The following ATP13A5 variants were observed in gnomAD, a reference collection of about 807,000 sequenced individuals.
The protein encoded by ATP13A5 is ATPase 13A5.
In ATP13A5, 149 loss-of-function variants were observed where a neutral mutation model predicts 150.2. That is an observed-to-expected ratio of 0.99 (90% CI 0.87 to 1.14). The LOEUF (loss-of-function observed/expected upper bound fraction) is 1.14. ATP13A5 is among the 50% of genes most tolerant of loss of function. The probability of loss-of-function intolerance (pLI) is 0.00; values close to 1 mark genes in which losing one functional copy is unlikely to be tolerated. For missense variants in ATP13A5, 1,383 were observed against 1,449.3 expected, an observed-to-expected ratio of 0.95 and a Z score of 0.74; for synonymous variants, 497 against 522.2, an observed-to-expected ratio of 0.95 and a Z score of 0.66.
intron 28 of ATP13A5, among the ~76,000 whole-genome samples, chr3:193,277,479 A>G (rs1052616555): frequency 6.6e-6 from 1 of 152,174 alleles, no homozygotes; most frequent in African/African-American, 2.4e-5. Flanking sequence ...GACCCCACCC[A>G]AGAGTGGAAT....
At chr3:193,307,530 T>A in intron 21 of ATP13A5, 161 bp from the exon 22 acceptor site, 2 of 791,358 alleles carry the variant, frequency 2.5e-6, no homozygotes, top group Non-Finnish European at 2.1e-6. Context: ...AGAGACATAT[T>A]CCCAGAGGGA....
intron 10 of ATP13A5, among the ~76,000 whole-genome samples, chr3:193,334,317 T>C (rs905316724): frequency 6.6e-6 from 1 of 152,120 alleles, no homozygotes; most frequent in African/African-American, 2.4e-5. Context: ...AGGCCTTCAT[T>C]GTGTCACGTC....
At chr3:193,363,124 T>C in intron 3 of ATP13A5, 112 bp downstream of exon 3, 2 of 1,286,400 alleles carry the variant, frequency 1.6e-6, no homozygotes, top group Admixed American at 2.2e-5. Flanking sequence ...CTTTGATACA[T>C]AGCTGTCATT....
chr3:193,338,231 T>A (rs1376671123), intron 9 of ATP13A5, among the ~76,000 whole-genome samples: 1 of 152,180 alleles, frequency 6.6e-6, no homozygotes, highest in Non-Finnish European at 1.5e-5. Context: ...TATTTCTTTC[T>A]CCTGCCTGAT....
chr3:193,324,931 A>G lies in ATP13A5; in HGVS notation c.1607T>C (p.Leu536Pro). The G allele has an allele frequency of 6.2e-7, 1 of 1,614,178 alleles. No individual in the cohort carries two copies. Among genetic ancestry groups the G allele is most frequent in the East Asian group, 2.2e-5 (1 of 44,878 alleles). Residue 536 changes from leucine to proline, a missense_variant, in exon 14 of 30, where the codon CTG becomes CCG. Physicochemically the swap from Leu to Pro is moderately conservative, Grantham distance 98. Around this residue, in one of 3 missense-constraint regions of ATP13A5, gnomAD observed 787 missense variants for 771.9 expected, o/e 1.02. Transcript: ENST00000342358. ...LCAAMASCHS[L>P]ILLNGTIQGD... ...CTGGATGGTCCCATTGAGAAGGATCAGAGAGTGGCAGCTGGCCATGGCCGC... is the reference window on the plus strand; with the variant it reads ...CTGGATGGTCCCATTGAGAAGGATCGGAGAGTGGCAGCTGGCCATGGCCGC...
chr3:193,307,531 C>A, intron 21 of ATP13A5, 162 bp from the exon 22 acceptor site: 3 of 788,052 alleles, frequency 3.8e-6, no homozygotes, highest in East Asian at 2.7e-5. Flanking sequence ...GAGACATATT[C>A]CCAGAGGGAA....
intron 9 of ATP13A5, among the ~76,000 whole-genome samples, chr3:193,338,247 T>G (rs1279111388): frequency 6.6e-6 from 1 of 152,198 alleles, no homozygotes; most frequent in Non-Finnish European, 1.5e-5. Context: ...CTGATTGCCC[T>G]GGCCAGAACT....
chr3:193,373,976 C>G (rs1713542710), intron 1 of ATP13A5, among the ~76,000 whole-genome samples: 1 of 152,170 alleles, frequency 6.6e-6, no homozygotes, highest in South Asian at 2.1e-4. Context: ...AGAAGGGGAA[C>G]ACAGATGGAA....
chr3:193,276,001 G>T (rs1213079964), intron 29 of ATP13A5, among the ~76,000 whole-genome samples: 1 of 152,116 alleles, frequency 6.6e-6, no homozygotes, highest in Admixed American at 6.5e-5. Context: ...CACTTAAGTT[G>T]AATGTAATAT....
At position 193,333,997 on chromosome 3, in the gene ATP13A5, A is replaced by G. The variant is rs1711748428; in HGVS notation, c.1115-90T>C. On this transcript the variant is annotated intron_variant, in intron 10 of 29. Coordinates refer to ENST00000342358, the MANE Select transcript of ATP13A5 (RefSeq NM_198505.4). The stretch of plus-strand genomic sequence containing the variant: ...CTTTACTGTCTTTGAGGAAAAGAGT[A>G]GAGTGTCCTCTAACCTTCTACCTAA... 34 of 1,219,158 alleles carry G rather than the reference A, an allele frequency of 2.8e-5. No homozygotes were observed. In the South Asian group the frequency reaches 3.5e-4, roughly 13 times the overall value. 75.5% of individuals were successfully genotyped at this position (1,219,158 alleles called of 1,614,324 possible).
intron 2 of ATP13A5, among the ~76,000 whole-genome samples, chr3:193,363,835 T>C (rs1262172266): frequency 6.6e-6 from 1 of 152,174 alleles, no homozygotes; most frequent in East Asian, 1.9e-4. Context: ...GCTCATGTAA[T>C]GGCTAAGAGC....
At chr3:193,289,395 C>T (rs1717855373) in intron 26 of ATP13A5, among the ~76,000 whole-genome samples, 1 of 152,234 alleles carries the variant, frequency 6.6e-6, no homozygotes, top group East Asian at 1.9e-4. Context: ...ATGTCTATAT[C>T]AGTGGCCTGC....
intron 26 of ATP13A5, among the ~76,000 whole-genome samples, chr3:193,288,545 A>G (rs1239217724): frequency 6.6e-6 from 1 of 151,466 alleles, no homozygotes; most frequent in African/African-American, 2.4e-5. Flanking sequence ...TAAGGCATGT[A>G]CTTTTTTAGA....
At chr3:193,319,855 C>T (rs563655009) in intron 16 of ATP13A5, among the ~76,000 whole-genome samples, 1 of 152,298 alleles carries the variant, frequency 6.6e-6, no homozygotes, top group African/African-American at 2.4e-5. Flanking sequence ...CACAGCCATG[C>T]CCATTTGATT....
chr3:193,323,607 C>T (rs531824105), intron 14 of ATP13A5: 3 of 152,120 alleles, frequency 2.0e-5, no homozygotes, highest in African/African-American at 7.2e-5. Flanking sequence ...AACTCATCAC[C>T]GTGTTTATCC....
chr3:193,355,434 C>G (rs1210858739), intron 5 of ATP13A5, among the ~76,000 whole-genome samples: 1 of 152,120 alleles, frequency 6.6e-6, no homozygotes, highest in South Asian at 2.1e-4. Context: ...GTAGCATTGT[C>G]TATGACTCCA....
intron 21 of ATP13A5, among the ~76,000 whole-genome samples, chr3:193,309,065 C>T (rs557800163): frequency 6.6e-6 from 1 of 152,240 alleles, no homozygotes; most frequent in East Asian, 1.9e-4. Flanking sequence ...GATTCACTAC[C>T]CTATGTTCCT....
intron 1 of ATP13A5, among the ~76,000 whole-genome samples, chr3:193,371,108 T>A (rs576696326): frequency 1.3e-5 from 2 of 152,334 alleles, no homozygotes; most frequent in African/African-American, 4.8e-5. Context: ...GATGATGAGA[T>A]GCCTGGCCCA....
chr3:193,281,075 A>G lies in ATP13A5; in HGVS notation c.3227-1621T>C, dbSNP rs1409151415. ...CAGCACGTCTCAGAAGTGCTTGGGA[A>G]GGGTATGAGGCAGACAGAAGAAAAG... On this transcript the variant is annotated intron_variant, in intron 27 of 29. Coordinates refer to ENST00000342358, the MANE Select transcript of ATP13A5 (RefSeq NM_198505.4). 3 of 427,266 alleles carry G rather than the reference A, an allele frequency of 7.0e-6. No homozygotes were observed. In the Admixed American group the frequency reaches 1.9e-4, roughly 27 times the overall value. 26.5% of individuals were successfully genotyped at this position (427,266 alleles called of 1,614,324 possible).
Sources: gnomAD v4.1 joint callset for allele counts (sites outside exome capture counted in the v4.1 genomes callset) on GRCh38, gnomAD v4.1.1 for gene constraint, gnomAD v4.1.1 regional missense constraint, MANE v1.5 for transcripts, NCBI Gene and HGNC (gene_info 2026-07-23, HGNC 2026-07-21) for gene names.